HAL: variants seen among roughly 807,000 people sequenced by gnomAD.
The protein encoded by HAL is histidine ammonia-lyase, also known as histidase.
In HAL, 85 loss-of-function variants were observed where a neutral mutation model predicts 81.1. The ratio of observed to expected loss-of-function variants is 1.05; its 90% CI spans 0.88 to 1.25. The LOEUF (loss-of-function observed/expected upper bound fraction) is 1.25. Ranked by LOEUF, HAL falls within the 50% of genes most tolerant of loss-of-function variation. The pLI, the probability that HAL is intolerant of heterozygous loss-of-function variation, is 0.00. For missense variants in HAL, 798 were observed against 836.6 expected (o/e 0.95, Z 0.57); for synonymous variants, 301 against 309.2 (o/e 0.97, Z 0.28).
intron 17 of HAL, among the ~76,000 whole-genome samples, chr12:95,978,686 C>T (rs898383364): frequency 5.9e-5 from 9 of 152,180 alleles, no homozygotes; most frequent in South Asian, 2.1e-4. Context: ...TTGGGTGGGG[C>T]GTGAAATTCT....
At chr12:95,990,344 T>C (rs60881496) in intron 10 of HAL, 49 bp downstream of exon 10, 176,443 of 1,501,576 alleles carry the variant, frequency 0.12, 12,805 homozygotes, top group East Asian at 0.37. Context: ...GCACAGTTGG[T>C]GTCCAACCTG....
At chr12:95,986,698 A>G (rs1949893092) in intron 12 of HAL, among the ~76,000 whole-genome samples, 1 of 152,014 alleles carries the variant, frequency 6.6e-6, no homozygotes, top group African/African-American at 2.4e-5. Context: ...TAAGCTACCA[A>G]TTCGACAGTT....
At position 95,995,650 on chromosome 12, in the gene HAL, C is replaced by T. The variant is rs1490436103; in HGVS notation, c.247+14G>A. On this transcript the variant is annotated intron_variant, in intron 2 of 20. Transcript: ENST00000261208. ...AACCGCACCCGTTCGCGGCCCTCTC[C>T]TGCAGCCACTCACCCACTTCCACGA... is the stretch of plus-strand genomic sequence containing the variant. 2 of 1,612,808 alleles carry T rather than the reference C, an allele frequency of 1.2e-6. No homozygotes were observed. Among genetic ancestry groups the T allele is most frequent in the East Asian group, 2.2e-5 (1 of 44,892 alleles).
In HAL at chr12:95,980,710, G is replaced by C. The variant is rs760663950; in HGVS notation, c.1365C>G (p.Tyr455Ter). The C allele has an allele frequency of 1.9e-6, 3 of 1,613,724 alleles. No individual in the cohort carries two copies. The highest frequency in any genetic ancestry group is 1.3e-5 in the African/African-American group (1 of 75,030). The change falls in exon 17 of 21, where the codon TAC becomes TAG. Residue 455 changes from tyrosine (Y) to a stop codon, truncating the protein, a stop_gained. Transcript: ENST00000261208. LOFTEE classifies it high-confidence loss of function. ...HGEYPAKALDYLAIGIHELAA... is the reference protein window; with the variant it reads ...HGEYPAKALD ...CAAGTTCATGGATGCCAATGGCCAA[G>C]TAGTCTAGGGCCTGAAAGAGGGTCT...
intron 10 of HAL, chr12:95,989,977 G>C (rs1949948803): frequency 3.8e-6 from 1 of 262,524 alleles, no homozygotes; most frequent in Non-Finnish European, 7.5e-6. Flanking sequence ...TAGCCACTAG[G>C]GTAAGAGCTT....
In HAL at chr12:95,992,666, A is replaced by G. The variant is rs376824236; in HGVS notation, c.715+14T>C. The G allele has an allele frequency of 6.2e-7, 1 of 1,608,512 alleles. No individual in the cohort carries two copies. Among genetic ancestry groups the G allele is most frequent in the Non-Finnish European group, 8.5e-7 (1 of 1,175,576 alleles). ...GCCTCCACAGAGGTTCCGTCTAGGG[A>G]GCCATTGCATTACCATTAAACATTT... On this transcript the variant is annotated intron_variant, in intron 9 of 20. Transcript: ENST00000261208.
intron 9 of HAL, among the ~76,000 whole-genome samples, chr12:95,992,153 C>T (rs1949978175): frequency 6.6e-6 from 1 of 152,228 alleles, no homozygotes; most frequent in Non-Finnish European, 1.5e-5. Flanking sequence ...TCCCTCATAT[C>T]CTGCCACTAC....
chr12:95,992,692 C>G lies in HAL; in HGVS notation c.703G>C (p.Glu235Gln), dbSNP rs778641448. 6.2e-6 allele frequency: 10 copies of G among 1,612,534 alleles called. No homozygotes were observed. The Middle Eastern group carries it at 4.9e-4, about 80-fold the overall frequency. Residue 235 changes from glutamate (E) to glutamine (Q), a missense_variant, in exon 9 of 21, where the codon GAA becomes CAA. By Grantham distance (29) the Glu-to-Gln change is conservative. Coordinates refer to ENST00000261208, the MANE Select transcript of HAL (RefSeq NM_002108.4). ...ISLETLKQVI[E>Q]MFNASCLPYV... ...GCCATTGCATTACCATTAAACATTTCTATGACTTGTTTGAGGGTCTCCAGG... is the reference window on the plus strand; with the variant it reads ...GCCATTGCATTACCATTAAACATTTGTATGACTTGTTTGAGGGTCTCCAGG...
chr12:95,975,339 TC>T (rs1228400129), intron 20 of HAL, among the ~76,000 whole-genome samples: 5 of 136,864 alleles, frequency 3.7e-5, no homozygotes, highest in African/African-American at 1.6e-4. Context: ...CCCACCAACC[TC>T]TTTTTTCTTT....
At chr12:95,989,772 G>C (rs1949945753) in intron 10 of HAL, 2 of 159,232 alleles carry the variant, frequency 1.3e-5, no homozygotes, top group East Asian at 3.7e-4. Context: ...TCTAGAAGCT[G>C]CATCCCCAAA....
chr12:95,996,123 G>C lies in HAL; in HGVS notation c.-127C>G. The C allele has an allele frequency of 1.7e-6, 1 of 582,044 alleles. No individual in the cohort carries two copies. The highest frequency in any genetic ancestry group is 1.8e-5 in the South Asian group (1 of 54,398). 36.1% of individuals were successfully genotyped at this position (582,044 alleles called of 1,614,324 possible). On this transcript the variant is annotated 5_prime_UTR_variant, in exon 1 of 21. Coordinates refer to ENST00000261208, the MANE Select transcript of HAL (RefSeq NM_002108.4). ...GTAGCCGAGCAGGGGCAGGAGCAGGGGATGCAGACGGGTGAGCCTCCTGTC... is the reference window on the plus strand; with the variant it reads ...GTAGCCGAGCAGGGGCAGGAGCAGGCGATGCAGACGGGTGAGCCTCCTGTC...
Position 95,976,464 on chromosome 12 carries a change from T to A in HAL, c.1798A>T (p.Ile600Phe), listed in dbSNP as rs759881725. 9.7e-5 allele frequency: 157 copies of A among 1,614,042 alleles called. No individual in the cohort carries two copies. The highest frequency in any genetic ancestry group is 2.0e-4 in the Admixed American group (12 of 60,012). ...WIKDRFMAPDIEAAHRLLLEQ... is the reference protein window; with the variant it reads ...WIKDRFMAPDFEAAHRLLLEQ... ...AGGAGCAGCCTGTGGGCTGCCTCGA[T>A]GTCCGGGGCCATGAAGCGATCTTTT... The change falls in exon 20 of 21, where the codon ATC (isoleucine) becomes TTC (phenylalanine). Residue 600 changes from isoleucine (I) to phenylalanine (F), a missense_variant. Physicochemically the swap from Ile to Phe is conservative, Grantham distance 21 (BLOSUM62 0). Transcript: ENST00000261208.
At position 95,996,225 on chromosome 12, in the gene HAL, C is replaced by T. The variant is rs1592853966; in HGVS notation, c.-229G>A. On this transcript the variant is annotated 5_prime_UTR_variant, in exon 1 of 21. Transcript: ENST00000261208. ...GAGGTGCTGTTCTTGTCCCTGATGGCACCTACCTGCTGCTGGCCCCCTTTC... is the reference window on the plus strand; with the variant it reads ...GAGGTGCTGTTCTTGTCCCTGATGGTACCTACCTGCTGCTGGCCCCCTTTC... The T allele has an allele frequency of 2.7e-6, 1 of 374,128 alleles. No individual in the cohort carries two copies. The highest frequency in any genetic ancestry group is 5.1e-6 in the Non-Finnish European group (1 of 197,244). 23.2% of individuals were successfully genotyped at this position (374,128 alleles called of 1,614,324 possible). A position where few individuals can be genotyped will look rare whatever the true frequency, so the allele number is the denominator to read the frequency against.
chr12:95,990,299 G>T (rs1286437787), intron 10 of HAL, 94 bp downstream of exon 10: 4 of 989,078 alleles, frequency 4.0e-6, no homozygotes, highest in South Asian at 1.3e-5. Flanking sequence ...CCCTCACTGG[G>T]CTGTTGTAAG....
At chr12:95,975,985 C>G in intron 20 of HAL, 1 of 325,084 alleles carries the variant, frequency 3.1e-6, no homozygotes, top group Non-Finnish European at 6.0e-6. Flanking sequence ...GAGCACTAGA[C>G]AGACCGAAAG....
Position 95,976,657 on chromosome 12 carries a change from A to G in HAL, c.1704T>C (p.Arg568=), listed in dbSNP as rs146240840. 1.3e-5 allele frequency: 21 copies of G among 1,613,338 alleles called. No individual in the cohort carries two copies. Among genetic ancestry groups the G allele is most frequent in the Non-Finnish European group, 1.8e-5 (21 of 1,179,416 alleles). The change falls in exon 19 of 21, where the codon CGT becomes CGC. Residue 568 remains arginine (R), a synonymous_variant. Transcript: ENST00000261208. ...LAACQGIEFL[R]PLKTTTPLEK... ...CCAGCGGAGTGGTTGTTTTCAGGGG[A>G]CGTAGAAACTCTATGCCCTGGCAGG...
chr12:95,977,997 A>G lies in HAL; in HGVS notation c.1601T>C (p.Met534Thr). The G allele has an allele frequency of 3.1e-6, 5 of 1,613,960 alleles. No individual in the cohort carries two copies. The highest frequency in any genetic ancestry group is 4.2e-6 in the Non-Finnish European group (5 of 1,179,834). Residue 534 changes from methionine to threonine, a missense_variant, in exon 18 of 21, where the codon ATG becomes ACG. Physicochemically the swap from Met to Thr is moderately conservative, Grantham distance 81. Coordinates refer to ENST00000261208, the MANE Select transcript of HAL (RefSeq NM_002108.4). ...GGCTTTCCTTGCTGCCCATCCTCCC[A>G]TGGAGACGTGGTCCTCCGTGGCTGC... Reference protein sequence around the residue: ...TSAATEDHVSMGGWAARKALR... With the variant: ...TSAATEDHVSTGGWAARKALR...
In HAL at chr12:95,993,462, G is replaced by A. The variant is rs145312493; in HGVS notation, c.578C>T (p.Ser193Leu). ...ACGTTTTGACTTACCTGAAGAATGT[G>A]AGCGTACTAAGTTGACCTGAAGCTC... ...LQELQVNLVR[S>L]HSSGVGKPLS... Residue 193 changes from serine to leucine, a missense_variant, in exon 8 of 21, where the codon TCA becomes TTA. By Grantham distance (145) the Ser-to-Leu change is moderately radical. Transcript: ENST00000261208. 1.9e-6 allele frequency: 3 copies of A among 1,603,736 alleles called. No homozygotes were observed. The highest frequency in any genetic ancestry group is 1.3e-5 in the African/African-American group (1 of 74,854).
At chr12:95,989,555 G>A (rs1949943268) in intron 10 of HAL, 1 of 152,522 alleles carries the variant, frequency 6.6e-6, no homozygotes, top group African/African-American at 2.4e-5. Context: ...AAGGGATTAG[G>A]GGCTAATGTG....
Sources: allele counts gnomAD v4.1 joint callset (sites outside exome capture counted in the v4.1 genomes callset), GRCh38; gene constraint gnomAD v4.1.1; transcripts MANE v1.5; gene names NCBI Gene and HGNC (gene_info 2026-07-23, HGNC 2026-07-21).